The following ATP5F1A variants were observed in gnomAD, a reference collection of about 807,000 sequenced individuals.
The protein encoded by ATP5F1A is ATP synthase F(1) complex subunit alpha, mitochondrial.
ATP5F1A carries 24 observed loss-of-function variants against 57.4 expected under a neutral mutation model. That is an observed-to-expected ratio of 0.42 (90% confidence interval 0.30 to 0.59). ATP5F1A has a LOEUF of 0.59. ATP5F1A is among the 20% of genes least tolerant of loss of function. The pLI, the probability that ATP5F1A is intolerant of heterozygous loss-of-function variation, is 0.19. For synonymous variants in ATP5F1A, 251 were observed against 255.5 expected (o/e 0.98, Z 0.17); for missense variants, 494 against 707.9 (o/e 0.70, Z 3.43).
At chr18:46,097,438 C>T (rs998256032) in intron 1 of ATP5F1A, among the ~76,000 whole-genome samples, 2 of 152,098 alleles carry the variant, frequency 1.3e-5, no homozygotes, top group African/African-American at 4.8e-5. Flanking sequence ...CTTGAATTCT[C>T]CATCACTAAA....
At chr18:46,092,946 G>A (rs1049144884) in intron 2 of ATP5F1A, among the ~76,000 whole-genome samples, 2 of 151,832 alleles carry the variant, frequency 1.3e-5, no homozygotes, top group African/African-American at 2.4e-5. Flanking sequence ...CCAGGAGTTC[G>A]AGACCAGCCT....
rs1909949133 is a variant in ATP5F1A, at chr18:46,084,599, A to C, written c.1485T>G (p.Tyr495Ter). ...TCTTGCTGGGCTCCAGTTTATCAAG[A>C]TATCCCCTTACACCCGCATAGATAA... ...VAVIYAGVRG[Y>*]LDKLEPSKIT... Residue 495 changes from tyrosine (Y) to a stop codon, truncating the protein, a stop_gained, in exon 11 of 12, where the codon TAT becomes TAG. Transcript: ENST00000398752. LOFTEE classifies it high-confidence loss of function. 6.2e-7 allele frequency: 1 copy of C among 1,612,358 alleles called. No homozygotes were observed.
rs888608561 is a variant in ATP5F1A, at chr18:46,082,072, A to T, written c.*2210T>A. Reference sequence around the variant, plus strand: ...GACCCTTACAGACAAAAGCCTTTATATATCAGTAAAAAAAAAAAAAAAAAA... The same window carrying T: ...GACCCTTACAGACAAAAGCCTTTATTTATCAGTAAAAAAAAAAAAAAAAAA... On this transcript the variant is annotated 3_prime_UTR_variant, in exon 12 of 12. Coordinates refer to ENST00000398752, the MANE Select transcript of ATP5F1A (RefSeq NM_004046.6). 8.1e-6 allele frequency: 1 copy of T among 123,018 alleles called. No homozygotes were observed. The highest frequency in any genetic ancestry group is 2.7e-4 in the South Asian group (1 of 3,638). 7.6% of individuals were successfully genotyped at this position (123,018 alleles called of 1,614,324 possible).
chr18:46,085,999 G>A, intron 10 of ATP5F1A, 114 bp downstream of exon 10: 4 of 1,147,410 alleles, frequency 3.5e-6, no homozygotes, highest in South Asian at 1.9e-5. Flanking sequence ...TTTGATGAAA[G>A]ATAACAGATA....
chr18:46,081,673 C>CAAAAAAAAAAAAAAAAAAAAAAAA lies in ATP5F1A; in HGVS notation c.*2585_*2608dup, dbSNP rs1159742250. 3 of 75,458 alleles carry CAAAAAAAAAAAAAAAAAAAAAAAA rather than the reference C, an allele frequency of 4.0e-5. No individual in the cohort carries two copies. Among genetic ancestry groups the CAAAAAAAAAAAAAAAAAAAAAAAA allele is most frequent in the African/African-American group, 9.2e-5 (2 of 21,680 alleles). 4.7% of individuals were successfully genotyped at this position (75,458 alleles called of 1,614,324 possible). On this transcript the variant is annotated 3_prime_UTR_variant, in exon 12 of 12. Transcript: ENST00000398752. ...GAGCAAAACTCTCAAAAAAAAAAAACAAAAAAAAAAAAAAAAAAAAAAAAC... is the reference window on the plus strand; with the variant it reads ...GAGCAAAACTCTCAAAAAAAAAAAACAAAAAAAAAAAAAAAAAAAAAAAAAAAAAAAAAAAAAAAAAAAAAAAAC...
intron 1 of ATP5F1A, chr18:46,097,910 G>A (rs967430853): frequency 3.9e-5 from 48 of 1,239,862 alleles, no homozygotes; most frequent in Middle Eastern, 3.1e-4. Context: ...TAGGGCCGCT[G>A]TCAGCCGAAG....
At chr18:46,087,787 G>A (rs1910235736) in intron 6 of ATP5F1A, 1 of 435,006 alleles carries the variant, frequency 2.3e-6, no homozygotes. Context: ...GGCTGAGACA[G>A]GAGAATCGCT....
rs1909771808 is a variant in ATP5F1A at position 46,081,857 on chromosome 18, A to C, written c.*2425T>G. On this transcript the variant is annotated 3_prime_UTR_variant, in exon 12 of 12. Transcript: ENST00000398752. ...TTCCTCTAAGTACTGAAAAGGACTT[A>C]TGAGTACTTTAAGAACTCTCCTTTT... The C allele has an allele frequency of 6.6e-6, 1 of 152,038 alleles. No individual in the cohort carries two copies. The highest frequency in any genetic ancestry group is 2.1e-4 in the South Asian group (1 of 4,828). The allele number at this position is 152,038 out of a possible 1,614,324, so 9.4% of individuals were successfully genotyped here.
At position 46,090,085 on chromosome 18, in the gene ATP5F1A, T is replaced by TG. The variant is rs71264822; in HGVS notation, c.310-90dup. On this transcript the variant is annotated intron_variant, in intron 3 of 11. Coordinates refer to ENST00000398752, the MANE Select transcript of ATP5F1A (RefSeq NM_004046.6). ...ACTACATAAGAAAATAGTCGGGGGG[T>TG]GGGGGGGGAAGCAGTATTGTCCTTT... 7,582 of 137,766 alleles carry TG rather than the reference T, an allele frequency of 0.055. 207 individuals carry two copies. Among genetic ancestry groups the TG allele is most frequent in the Middle Eastern group, 0.074 (137 of 1,850 alleles). 8.5% of individuals were successfully genotyped at this position (137,766 alleles called of 1,614,324 possible).
upstream of ATP5F1A, among the ~76,000 whole-genome samples, chr18:46,103,068 G>A (rs775331252): frequency 6.6e-6 from 1 of 152,160 alleles, no homozygotes; most frequent in Non-Finnish European, 1.5e-5. Context: ...TTGAGAGGCC[G>A]AGGCAGGCAG....
chr18:46,097,959 T>C, intron 1 of ATP5F1A: 1 of 1,302,282 alleles, frequency 7.7e-7, no homozygotes, highest in Non-Finnish European at 9.8e-7. Context: ...CACCATCGAG[T>C]TAACTGTCTG....
upstream of ATP5F1A, among the ~76,000 whole-genome samples, chr18:46,100,025 T>A (rs1037277119): frequency 6.7e-6 from 1 of 150,012 alleles, no homozygotes; most frequent in South Asian, 2.1e-4. Context: ...CTGAGGCGGG[T>A]GGATCACCTG....
chr18:46,096,697 A>AGCG lies in ATP5F1A; in HGVS notation c.60+1472_60+1474dup, dbSNP rs1484827076. Among the ~76,000 whole-genome samples, 50 of 151,896 alleles carry AGCG rather than the reference A, an allele frequency of 3.3e-4. No individual in the cohort carries two copies. The East Asian group carries it at 9.3e-3, about 28-fold the overall frequency. On this transcript the variant is annotated intron_variant, in intron 1 of 11. Coordinates refer to ENST00000398752, the MANE Select transcript of ATP5F1A (RefSeq NM_004046.6). ...AACAACAACAACAACAACGACAACA[A>AGCG]GCGGCCGGGCACGACGGCTCATGCT... is the stretch of plus-strand genomic sequence containing the variant.
At chr18:46,101,755 G>A (rs1385466596), upstream of ATP5F1A, among the ~76,000 whole-genome samples, 1 of 152,034 alleles carries the variant, frequency 6.6e-6, no homozygotes, top group Non-Finnish European at 1.5e-5. Flanking sequence ...AGCTGGGCAT[G>A]GTGGCACATG....
chr18:46,087,824 G>A (rs761762677), intron 6 of ATP5F1A: 1 of 453,292 alleles, frequency 2.2e-6, no homozygotes, highest in South Asian at 2.7e-5. Context: ...AGGTTGCAGT[G>A]AGCTGAGATC....
In ATP5F1A at chr18:46,081,182, T is replaced by C. The variant is rs1909721299; in HGVS notation, c.*3100A>G. The C allele has an allele frequency of 6.7e-6, 1 of 148,940 alleles. No homozygotes were observed. The highest frequency in any genetic ancestry group is 2.5e-5 in the African/African-American group (1 of 40,508). 9.2% of individuals were successfully genotyped at this position (148,940 alleles called of 1,614,324 possible). A position where few individuals can be genotyped will look rare whatever the true frequency, so the allele number is the denominator to read the frequency against. The stretch of plus-strand genomic sequence containing the variant: ...CATCAGACCAGACCAGTAGTTAACA[T>C]TTGGAATTTGATTTATAATGGACAA... On this transcript the variant is annotated 3_prime_UTR_variant, in exon 12 of 12. Coordinates refer to ENST00000398752, the MANE Select transcript of ATP5F1A (RefSeq NM_004046.6).
At chr18:46,096,929 G>T (rs1037206775) in intron 1 of ATP5F1A, among the ~76,000 whole-genome samples, 1 of 146,370 alleles carries the variant, frequency 6.8e-6, no homozygotes, top group African/African-American at 2.6e-5. Flanking sequence ...GTTGCAGTGG[G>T]CGGAGATCAC....
At chr18:46,091,412 C>T (rs1215858166) in intron 3 of ATP5F1A, among the ~76,000 whole-genome samples, 1 of 152,152 alleles carries the variant, frequency 6.6e-6, no homozygotes, top group East Asian at 1.9e-4. Flanking sequence ...CAGACTTAAA[C>T]TTCTTGGATT....
At chr18:46,102,138 C>T (rs988473649), upstream of ATP5F1A, among the ~76,000 whole-genome samples, 6 of 150,020 alleles carry the variant, frequency 4.0e-5, no homozygotes, top group Non-Finnish European at 7.4e-5. Context: ...TGCTCAACTG[C>T]ACTCCAGCCT....
Sources: gnomAD v4.1 joint callset for allele counts (sites outside exome capture counted in the v4.1 genomes callset) on GRCh38, gnomAD v4.1.1 for gene constraint, MANE v1.5 for transcripts, NCBI Gene and HGNC (gene_info 2026-07-23, HGNC 2026-07-21) for gene names.